The following SCIN variants were observed in gnomAD, a reference collection of about 807,000 sequenced individuals.
The protein encoded by SCIN is adseverin.
Under a neutral mutation model 91.8 loss-of-function variants are expected in SCIN, and 91 were observed. The observed-to-expected ratio is 0.99, with a 90% CI of 0.84 to 1.18. The LOEUF (loss-of-function observed/expected upper bound fraction) is 1.18. Ranked by LOEUF, SCIN falls within the 50% of genes most tolerant of loss-of-function variation. The pLI is 0.00. For synonymous variants in SCIN, 367 were observed against 312.6 expected, an observed-to-expected ratio of 1.17 and a Z score of -1.84; for missense variants, 1,087 against 863.9, an observed-to-expected ratio of 1.26 and a Z score of -3.24.
At chr7:12,577,771 G>A (rs548907880) in intron 1 of SCIN, 7 of 405,278 alleles carry the variant, frequency 1.7e-5, no homozygotes, top group South Asian at 6.6e-5. Context: ...TAGGAGGATC[G>A]CTTAAGCCCC....
At chr7:12,622,049 G>C (rs1023514725) in intron 4 of SCIN, among the ~76,000 whole-genome samples, 1 of 151,570 alleles carries the variant, frequency 6.6e-6, no homozygotes, top group Admixed American at 6.6e-5. Context: ...TTTGATTCCT[G>C]TCCTTGACAT....
At chr7:12,611,597 A>G (rs535577740) in intron 4 of SCIN, among the ~76,000 whole-genome samples, 10 of 152,332 alleles carry the variant, frequency 6.6e-5, no homozygotes, top group South Asian at 4.1e-4. Flanking sequence ...AGATAAATCA[A>G]TCATTCTCCA....
rs1232807645 is a variant in SCIN at position 12,651,066 on chromosome 7, G to A, written c.1960-775G>A. Among the ~76,000 whole-genome samples, 1 of 152,184 alleles carries A rather than the reference G, an allele frequency of 6.6e-6. No homozygotes were observed. The highest frequency in any genetic ancestry group is 2.4e-5 in the African/African-American group (1 of 41,440). On this transcript the variant is annotated intron_variant, in intron 14 of 15. Transcript: ENST00000297029. The surrounding 1 kb of genome is among the most constrained non-coding windows in gnomAD (Gnocchi z 5.9). ...AGAAAAGGCATACAAATATATTAAT[G>A]TTCACAGGAGTCATACAGAATGCAA... is the stretch of plus-strand genomic sequence containing the variant.
At chr7:12,629,026 A>G (rs1783588731) in intron 8 of SCIN, 75 bp from the exon 9 acceptor site, 2 of 1,281,558 alleles carry the variant, frequency 1.6e-6, no homozygotes, top group South Asian at 3.6e-5. Context: ...TGAACCAAAA[A>G]TTATTTAAAG....
intron 15 of SCIN, 55 bp from the exon 16 acceptor site, chr7:12,652,533 T>G: frequency 6.6e-7 from 1 of 1,517,132 alleles, no homozygotes; most frequent in Non-Finnish European, 9.0e-7. Flanking sequence ...AATCTGCAGT[T>G]ACTTTAGTTT....
rs1431613853 is a variant in SCIN at position 12,580,678 on chromosome 7, A to G, written c.355-382A>G. Among the ~76,000 whole-genome samples, 11 of 152,094 alleles carry G rather than the reference A, an allele frequency of 7.2e-5. 1 individual carries two copies. Among genetic ancestry groups the G allele is most frequent in the Admixed American group, 2.6e-4 (4 of 15,256 alleles). ...TATGTGTTACTTCTGACCCTCCTCT[A>G]GCCACCTGTCACCTTCTTCCCTGAA... is the stretch of plus-strand genomic sequence containing the variant. On this transcript the variant is annotated intron_variant, in intron 2 of 15. Coordinates refer to ENST00000297029, the MANE Select transcript of SCIN (RefSeq NM_001112706.3).
At chr7:12,611,631 A>T (rs1168260626) in intron 4 of SCIN, among the ~76,000 whole-genome samples, 4 of 152,204 alleles carry the variant, frequency 2.6e-5, no homozygotes, top group African/African-American at 4.8e-5. Context: ...GGTTGTATCG[A>T]ATGAACCAAA....
Position 12,640,340 on chromosome 7 carries a change from C to G in SCIN, c.1411-7C>G, listed in dbSNP as rs777995450. The G allele has an allele frequency of 6.4e-7, 1 of 1,573,100 alleles. No individual in the cohort carries two copies. Among genetic ancestry groups the G allele is most frequent in the Admixed American group, 1.9e-5 (1 of 53,822 alleles). On this transcript the variant is annotated splice_polypyrimidine_tract_variant and splice_region_variant and intron_variant, in intron 10 of 15. Coordinates refer to ENST00000297029, the MANE Select transcript of SCIN (RefSeq NM_001112706.3). ...ATATTTCTTTTATTCCCCCTCTCCC[C>G]CATCAGATCCGAGTCTCCCAAGGCA...
intron 3 of SCIN, among the ~76,000 whole-genome samples, chr7:12,590,983 C>T (rs573047034): frequency 6.6e-6 from 1 of 152,192 alleles, no homozygotes; most frequent in South Asian, 2.1e-4. Context: ...GAGGAGGATC[C>T]TGGCTTCAAT....
At chr7:12,613,573 G>T (rs1380371882) in intron 4 of SCIN, among the ~76,000 whole-genome samples, 1 of 152,092 alleles carries the variant, frequency 6.6e-6, no homozygotes, top group African/African-American at 2.4e-5. Context: ...TGGCCACCTG[G>T]ATTGTGCTTC....
At chr7:12,635,597 G>A (rs1309483611) in intron 9 of SCIN, among the ~76,000 whole-genome samples, 1 of 97,034 alleles carries the variant, frequency 1.0e-5, no homozygotes, top group Non-Finnish European at 1.9e-5. Context: ...GGGCGACAGT[G>A]CAGGACTCCG....
At chr7:12,641,991 A>G (rs896013826) in intron 11 of SCIN, among the ~76,000 whole-genome samples, 8 of 151,746 alleles carry the variant, frequency 5.3e-5, no homozygotes, top group Non-Finnish European at 7.4e-5. Flanking sequence ...TCAAATTTTT[A>G]TTTATTTTTT....
At chr7:12,589,166 C>A (rs1179538213) in intron 3 of SCIN, 2 of 150,306 alleles carry the variant, frequency 1.3e-5, no homozygotes, top group Non-Finnish European at 2.9e-5. Context: ...CCAGGAGTTA[C>A]GAAATCACCT....
At chr7:12,636,536 G>A (rs1185912957) in intron 10 of SCIN, among the ~76,000 whole-genome samples, 1 of 152,172 alleles carries the variant, frequency 6.6e-6, no homozygotes, top group Non-Finnish European at 1.5e-5. Context: ...AGTGTGATAT[G>A]TTACAAAGCA....
chr7:12,605,499 A>G (rs1167587672), intron 4 of SCIN, among the ~76,000 whole-genome samples: 1 of 152,208 alleles, frequency 6.6e-6, no homozygotes, highest in Non-Finnish European at 1.5e-5. Flanking sequence ...ATACAAAATG[A>G]TATATCTTGG....
intron 3 of SCIN, among the ~76,000 whole-genome samples, chr7:12,588,633 G>A (rs960380468): frequency 2.0e-5 from 3 of 151,824 alleles, no homozygotes; most frequent in Non-Finnish European, 4.4e-5. Flanking sequence ...TCGTGACCAG[G>A]TTACAATATA....
At chr7:12,645,561 A>G (rs2708654) in intron 13 of SCIN, among the ~76,000 whole-genome samples, 121,553 of 152,038 alleles carry the variant, frequency 0.8, 48,894 homozygotes, top group Admixed American at 0.87. Context: ...GTGTTGTGGG[A>G]GTTTGTTGTA....
chr7:12,647,374 A>T (rs1037336965), intron 13 of SCIN, among the ~76,000 whole-genome samples: 19 of 152,216 alleles, frequency 1.2e-4, no homozygotes, highest in African/African-American at 4.3e-4. Context: ...TAGGCTTTAC[A>T]CGTGTAGATT....
intron 4 of SCIN, among the ~76,000 whole-genome samples, chr7:12,616,040 G>A (rs1043655296): frequency 2.6e-5 from 4 of 151,992 alleles, no homozygotes; most frequent in African/African-American, 9.7e-5. Context: ...TACTCCTGGA[G>A]GTTTAGCTCA....
Sources: gnomAD v4.1 joint callset for allele counts (sites outside exome capture counted in the v4.1 genomes callset) on GRCh38, gnomAD v4.1.1 for gene constraint, Gnocchi (gnomAD v3.1) non-coding constraint, MANE v1.5 for transcripts, NCBI Gene and HGNC (gene_info 2026-07-23, HGNC 2026-07-21) for gene names.